ANKHD1: variants seen among roughly 807,000 people sequenced by gnomAD.
ANKHD1 encodes the protein ankyrin repeat and KH domain containing 1, also known as ankyrin repeat and KH domain-containing protein 1.
A neutral mutation model predicts 230.5 loss-of-function variants in ANKHD1; 31 were observed. The ratio of observed to expected loss-of-function variants is 0.13; its 90% CI spans 0.10 to 0.18. ANKHD1 has a LOEUF of 0.18. ANKHD1 is among the 10% of genes least tolerant of loss of function. ANKHD1 has a pLI of 1.00. For missense variants in ANKHD1, 2,256 were observed against 3,071.3 expected (o/e 0.73, Z 6.27); for synonymous variants, 1,074 against 1,117.6 (o/e 0.96, Z 0.78).
chr5:140,428,465 C>G (rs1239196483), intron 1 of ANKHD1, among the ~76,000 whole-genome samples: 2 of 152,262 alleles, frequency 1.3e-5, no homozygotes. Context: ...GAAACCCTGC[C>G]TCCACCAAAA....
intron 4 of ANKHD1, 76 bp from the exon 5 acceptor site, chr5:140,440,919 G>A (rs1773800950): frequency 1.5e-6 from 2 of 1,366,768 alleles, no homozygotes; most frequent in Admixed American, 6.0e-5. Context: ...TATCTTCAGA[G>A]ATTCAGTATA....
At chr5:140,536,209 T>C (rs758718420) in intron 30 of ANKHD1, among the ~76,000 whole-genome samples, 32 of 152,218 alleles carry the variant, frequency 2.1e-4, no homozygotes, top group South Asian at 4.1e-4. Flanking sequence ...TTCTCCTGCC[T>C]CAGCCTTCCG....
intron 7 of ANKHD1, among the ~76,000 whole-genome samples, chr5:140,453,982 A>C (rs1774956134): frequency 6.6e-6 from 1 of 152,250 alleles, no homozygotes; most frequent in Non-Finnish European, 1.5e-5. Context: ...TCACGTGCAG[A>C]GACACACATA....
chr5:140,428,650 GGGGAGA>G (rs1052998483), intron 1 of ANKHD1, among the ~76,000 whole-genome samples: 5 of 152,142 alleles, frequency 3.3e-5, no homozygotes, highest in African/African-American at 7.2e-5. Flanking sequence ...GGGAGACCGT[GGGGAGA>G]GGGAGAGGGC....
chr5:140,466,380 A>G (rs1432315852), intron 10 of ANKHD1, among the ~76,000 whole-genome samples: 1 of 142,696 alleles, frequency 7.0e-6, no homozygotes, highest in Non-Finnish European at 1.5e-5. Flanking sequence ...AACAAGAGCA[A>G]AAACGCCATC....
intron 1 of ANKHD1, among the ~76,000 whole-genome samples, chr5:140,411,122 G>A (rs1028791928): frequency 2.6e-5 from 4 of 152,200 alleles, no homozygotes; most frequent in African/African-American, 9.7e-5. Context: ...TAAGCAGGAT[G>A]TAGTGAATTT....
At chr5:140,530,038 A>G (rs1028374269) in intron 29 of ANKHD1, among the ~76,000 whole-genome samples, 8 of 152,140 alleles carry the variant, frequency 5.3e-5, no homozygotes, top group Admixed American at 5.2e-4. Context: ...AAGGATTCCA[A>G]ATTTACAGAC....
At chr5:140,488,074 C>T (rs1264406952) in intron 14 of ANKHD1, among the ~76,000 whole-genome samples, 1 of 152,178 alleles carries the variant, frequency 6.6e-6, no homozygotes, top group Non-Finnish European at 1.5e-5. Flanking sequence ...TCATGGAACA[C>T]CTAGCTATTC....
intron 1 of ANKHD1, among the ~76,000 whole-genome samples, chr5:140,405,420 G>A (rs961363089): frequency 6.6e-6 from 1 of 152,074 alleles, no homozygotes; most frequent in African/African-American, 2.4e-5. Flanking sequence ...AGTATAGTCT[G>A]TGCCTTTGTG....
chr5:140,505,104 A>G lies in ANKHD1; in HGVS notation c.3151-18A>G, dbSNP rs986709636. The G allele has an allele frequency of 3.1e-6, 5 of 1,604,610 alleles. No individual in the cohort carries two copies. The African/African-American group carries it at 6.7e-5, about 22-fold the overall frequency. ...CTTCTGTTAAAAAAAATTTTAACTT[A>G]TTTTTTTCTTCTCCTAGACTGAGAG... On this transcript the variant is annotated intron_variant, in intron 16 of 33. Coordinates refer to ENST00000360839, the MANE Select transcript of ANKHD1 (RefSeq NM_017747.3).
At position 140,510,097 on chromosome 5, in the gene ANKHD1, T is replaced by C. The variant is rs201130772; in HGVS notation, c.4020T>C (p.Val1340=). The C allele has an allele frequency of 6.2e-7, 1 of 1,614,096 alleles. No individual in the cohort carries two copies. The highest frequency in any genetic ancestry group is 8.5e-7 in the Non-Finnish European group (1 of 1,179,988). The change falls in exon 22 of 34, where the codon GTT becomes GTC. Residue 1340 remains valine (V), a synonymous_variant. Transcript: ENST00000360839. ...CATCCAATGGAGGTCATTTTGATGT[T>C]GTGCAGTTGCTAGTGCAAGCAGGTG... ...WLASNGGHFD[V]VQLLVQAGAD...
intron 2 of ANKHD1, 57 bp downstream of exon 2, chr5:140,436,314 A>C: frequency 7.4e-7 from 1 of 1,358,326 alleles, no homozygotes; most frequent in Non-Finnish European, 9.5e-7. Flanking sequence ...ATCTCTTTAC[A>C]GTTACATGAG....
chr5:140,441,029 G>A lies in ANKHD1; in HGVS notation c.800G>A (p.Arg267Gln). Reference protein sequence around the residue: ...LLAMHANVEDRGNKGDITPLM... With the variant: ...LLAMHANVEDQGNKGDITPLM... ...GCTATGCATGCTAATGTTGAAGATC[G>A]AGGGAATAAAGGAGACATAACTCCC... is the stretch of plus-strand genomic sequence containing the variant. The change falls in exon 5 of 34, where the codon CGA becomes CAA. Residue 267 changes from arginine (R) to glutamine (Q), a missense_variant. By Grantham distance (43) the Arg-to-Gln change is conservative (BLOSUM62 1). Around this residue, in one of 13 missense-constraint regions of ANKHD1, gnomAD observed 206 missense variants for 304.5 expected, o/e 0.68. Coordinates refer to ENST00000360839, the MANE Select transcript of ANKHD1 (RefSeq NM_017747.3). 1.2e-6 allele frequency: 2 copies of A among 1,610,166 alleles called. No homozygotes were observed. The highest frequency in any genetic ancestry group is 1.7e-6 in the Non-Finnish European group (2 of 1,178,662).
Position 140,528,844 on chromosome 5 carries a change from G to A in ANKHD1, c.5898G>A (p.Val1966=). The change falls in exon 29 of 34, where the codon GTG becomes GTA. Residue 1966 remains valine (V), a synonymous_variant. Transcript: ENST00000360839. ...TCAGAAAGCAGTTGTTTGCCTGTGT[G>A]CCTAAGACAAGTCCTCCAGCAACAG... ...SSVRKQLFAC[V]PKTSPPATVI... 1 of 1,613,986 alleles carries A rather than the reference G, an allele frequency of 6.2e-7. No homozygotes were observed. Among genetic ancestry groups the A allele is most frequent in the Non-Finnish European group, 8.5e-7 (1 of 1,180,034 alleles).
chr5:140,446,702 C>T (rs1774308251), intron 6 of ANKHD1, among the ~76,000 whole-genome samples: 1 of 152,026 alleles, frequency 6.6e-6, no homozygotes, highest in African/African-American at 2.4e-5. Flanking sequence ...ACATGTAATG[C>T]TACCATCTAA....
rs926933597 is a variant in ANKHD1 at position 140,497,367 on chromosome 5, C to T, written c.3004+89C>T. ...CCCCTCCAAAAACGTAGACTTTGTACGTTTCCATTTTAGAACTTTGTAAAA... is the reference window on the plus strand; with the variant it reads ...CCCCTCCAAAAACGTAGACTTTGTATGTTTCCATTTTAGAACTTTGTAAAA... On this transcript the variant is annotated intron_variant, in intron 15 of 33. Coordinates refer to ENST00000360839, the MANE Select transcript of ANKHD1 (RefSeq NM_017747.3). 3.4e-5 allele frequency: 51 copies of T among 1,486,810 alleles called. 1 individual carries two copies. The highest frequency in any genetic ancestry group is 3.2e-4 in the Admixed American group (14 of 43,366). 92.1% of individuals were successfully genotyped at this position (1,486,810 alleles called of 1,614,324 possible).
Position 140,438,554 on chromosome 5 carries a change from A to C in ANKHD1, c.554A>C (p.Glu185Ala), listed in dbSNP as rs1425324817. 2.5e-6 allele frequency: 4 copies of C among 1,613,320 alleles called. No homozygotes were observed. The African/African-American group carries it at 5.3e-5, about 22-fold the overall frequency. ...LTSSVSCALD[E>A]AAAALTRMKA... Reference sequence around the variant, plus strand: ...TCCTCAGTTAGTTGTGCACTGGATGAAGCTGCTGCTGCACTGACACGGATG... The same window carrying C: ...TCCTCAGTTAGTTGTGCACTGGATGCAGCTGCTGCTGCACTGACACGGATG... Residue 185 changes from glutamate to alanine, a missense_variant, in exon 3 of 34, where the codon GAA becomes GCA. By Grantham distance (107) the Glu-to-Ala change is moderately radical (BLOSUM62 -1). Around this residue, in one of 13 missense-constraint regions of ANKHD1, gnomAD observed 206 missense variants for 304.5 expected, o/e 0.68. Transcript: ENST00000360839.
chr5:140,429,925 C>G (rs184501595), intron 1 of ANKHD1, among the ~76,000 whole-genome samples: 2 of 152,318 alleles, frequency 1.3e-5, no homozygotes, highest in East Asian at 3.9e-4. Flanking sequence ...GCCAGAGTGA[C>G]TGACTGTTCT....
intron 5 of ANKHD1, among the ~76,000 whole-genome samples, chr5:140,445,195 C>T (rs1364740882): frequency 2.0e-5 from 3 of 150,932 alleles, no homozygotes; most frequent in East Asian, 2.0e-4. Context: ...ATTGGCCGGG[C>T]GTGGTATAAT....
Sources: allele counts gnomAD v4.1 joint callset (sites outside exome capture counted in the v4.1 genomes callset), GRCh38; gene constraint gnomAD v4.1.1; regional missense constraint gnomAD v4.1.1; transcripts MANE v1.5; gene names NCBI Gene and HGNC (gene_info 2026-07-23, HGNC 2026-07-21).